C3orf20: variants seen among roughly 807,000 people sequenced by gnomAD.
C3orf20 encodes the protein family with sequence similarity 149 member C, also known as uncharacterized protein C3orf20.
In C3orf20, 76 loss-of-function variants were observed where a neutral mutation model predicts 88.3. That is an observed-to-expected ratio of 0.86 (90% confidence interval 0.72 to 1.04). The LOEUF (loss-of-function observed/expected upper bound fraction) is 1.04. C3orf20 is among the 50% of genes least tolerant of loss of function. C3orf20 has a pLI of 0.00. For synonymous variants in C3orf20, 436 were observed against 437.4 expected (o/e 1.00, Z 0.04); for missense variants, 1,056 against 1,123.3 (o/e 0.94, Z 0.86).
chr3:14,725,077 G>A (rs1173768927), intron 10 of C3orf20, among the ~76,000 whole-genome samples: 5 of 152,226 alleles, frequency 3.3e-5, no homozygotes, highest in African/African-American at 1.2e-4. Flanking sequence ...TCTTTCGAGA[G>A]TGCAAGCATG....
intron 15 of C3orf20, among the ~76,000 whole-genome samples, chr3:14,770,820 G>A (rs1019767120): frequency 5.9e-5 from 9 of 152,192 alleles, no homozygotes; most frequent in African/African-American, 1.7e-4. Flanking sequence ...TCTGGACTTC[G>A]GGGCCCTTGT....
intron 12 of C3orf20, among the ~76,000 whole-genome samples, chr3:14,739,801 TG>T (rs2034846884): frequency 6.6e-6 from 1 of 152,276 alleles, no homozygotes; most frequent in Non-Finnish European, 1.5e-5. Flanking sequence ...CTTGTACTGT[TG>T]TGTTATGGAG....
intron 12 of C3orf20, among the ~76,000 whole-genome samples, chr3:14,747,898 G>A (rs2035103422): frequency 6.6e-6 from 1 of 151,802 alleles, no homozygotes; most frequent in African/African-American, 2.4e-5. Flanking sequence ...ACTTTTGTTT[G>A]CTGGTATTTT....
chr3:14,765,110 A>G (rs2035669729), intron 15 of C3orf20: 1 of 152,210 alleles, frequency 6.6e-6, no homozygotes, highest in Admixed American at 6.5e-5. Context: ...TGTGGTTCAG[A>G]TGGTAGCTTC....
Position 14,732,055 on chromosome 3 carries a change from T to C in C3orf20, c.1940+3367T>C, listed in dbSNP as rs187231246. 1.1e-3 allele frequency among the ~76,000 whole-genome samples: 162 copies of C among 152,354 alleles called. 1 individual carries two copies. Among genetic ancestry groups the C allele is most frequent in the African/African-American group, 3.8e-3 (156 of 41,594 alleles). On this transcript the variant is annotated intron_variant, in intron 12 of 16. Transcript: ENST00000253697. ...TTTATAGTAAATGCATGTTTGACTT[T>C]GTAAGAAACTGCCAACTGTCTTCCC...
intron 4 of C3orf20, 148 bp downstream of exon 4, chr3:14,684,530 G>T: frequency 9.0e-7 from 1 of 1,112,986 alleles, no homozygotes; most frequent in African/African-American, 1.6e-5. Context: ...AATGCTACAG[G>T]TGAGTGGATG....
chr3:14,730,665 C>A (rs564741414), intron 12 of C3orf20, among the ~76,000 whole-genome samples: 72 of 152,280 alleles, frequency 4.7e-4, no homozygotes, highest in African/African-American at 1.6e-3. Context: ...TTGGCATATG[C>A]CAGGATGTGA....
chr3:14,703,966 C>G (rs1272966244), intron 6 of C3orf20, among the ~76,000 whole-genome samples: 1 of 152,048 alleles, frequency 6.6e-6, no homozygotes, highest in Non-Finnish European at 1.5e-5. Flanking sequence ...GAGAGGGCAG[C>G]CACTGTTTGC....
chr3:14,737,499 T>C (rs2034754833), intron 12 of C3orf20, among the ~76,000 whole-genome samples: 1 of 152,238 alleles, frequency 6.6e-6, no homozygotes, highest in Non-Finnish European at 1.5e-5. Flanking sequence ...CAGCATTACC[T>C]CTAAAAACAC....
intron 1 of C3orf20, among the ~76,000 whole-genome samples, chr3:14,680,864 G>C (rs938452523): frequency 6.6e-6 from 1 of 152,240 alleles, no homozygotes; most frequent in Non-Finnish European, 1.5e-5. Flanking sequence ...TGGTTGCCCA[G>C]ATGACCGGGA....
chr3:14,686,182 T>C (rs1201893901), intron 4 of C3orf20, among the ~76,000 whole-genome samples: 2 of 79,470 alleles, frequency 2.5e-5, no homozygotes, highest in South Asian at 4.0e-4. Flanking sequence ...TTTTAATAGC[T>C]GAATCATATT....
intron 1 of C3orf20, among the ~76,000 whole-genome samples, chr3:14,679,123 C>T (rs1028174197): frequency 2.0e-5 from 3 of 152,226 alleles, no homozygotes; most frequent in Non-Finnish European, 2.9e-5. Context: ...ACTTCTTACT[C>T]ATCTTTTAGA....
At position 14,721,712 on chromosome 3, in the gene C3orf20, C is replaced by T; in HGVS notation, c.1494C>T (p.Thr498=). 6.2e-7 allele frequency: 1 copy of T among 1,614,210 alleles called. No individual in the cohort carries two copies. Among genetic ancestry groups the T allele is most frequent in the Non-Finnish European group, 8.5e-7 (1 of 1,180,030 alleles). ...AGGACTCCATCACAGTCACCTTCAC[C>T]TCCCTGAATGAGACAGTAACACTCA... ...LGQDSITVTF[T]SLNETVTLTV... Residue 498 remains threonine (T), a synonymous_variant, in exon 10 of 17, where the codon ACC becomes ACT. Transcript: ENST00000253697.
intron 7 of C3orf20, among the ~76,000 whole-genome samples, chr3:14,712,741 G>C (rs1365783709): frequency 6.6e-6 from 1 of 152,100 alleles, no homozygotes; most frequent in South Asian, 2.1e-4. Context: ...AACTTTACCA[G>C]TGTTCTTTTT....
chr3:14,718,158 C>A (rs760294424), intron 9 of C3orf20, among the ~76,000 whole-genome samples: 8 of 152,066 alleles, frequency 5.3e-5, no homozygotes, highest in Non-Finnish European at 1.0e-4. Context: ...TTCTGAGACT[C>A]CAATTATGTC....
chr3:14,716,739 C>T (rs2033955156), intron 9 of C3orf20, among the ~76,000 whole-genome samples: 1 of 152,186 alleles, frequency 6.6e-6, no homozygotes, highest in Non-Finnish European at 1.5e-5. Flanking sequence ...TTGGATTAGT[C>T]ATTTGGTAAT....
rs2035410856 is a variant in C3orf20, at chr3:14,757,522, G to A, written c.2092G>A (p.Glu698Lys). Residue 698 changes from glutamate (E) to lysine (K), a missense_variant, in exon 13 of 17, where the codon GAG becomes AAG. Glu to Lys is a moderately conservative substitution (Grantham distance 56, BLOSUM62 1). Transcript: ENST00000253697. The part of the protein sequence containing the change: ...KAPLVSDVEL[E>K]RFLLAPRDPS... ...GCCCCTGGTCTCTGACGTGGAGCTGGAGCGCTTCCTGTTGGCGCCCCGAGA... is the reference window on the plus strand; with the variant it reads ...GCCCCTGGTCTCTGACGTGGAGCTGAAGCGCTTCCTGTTGGCGCCCCGAGA... The A allele has an allele frequency of 1.2e-6, 2 of 1,614,002 alleles. No individual in the cohort carries two copies. The highest frequency in any genetic ancestry group is 2.7e-5 in the African/African-American group (2 of 74,952).
At chr3:14,770,695 G>A (rs1057446115) in intron 15 of C3orf20, among the ~76,000 whole-genome samples, 1 of 152,152 alleles carries the variant, frequency 6.6e-6, no homozygotes, top group African/African-American at 2.4e-5. Flanking sequence ...CCTCAGGGCC[G>A]GACGCATAGT....
At chr3:14,728,414 T>C in intron 11 of C3orf20, 25 bp from the exon 12 acceptor site, 9 of 1,612,304 alleles carry the variant, frequency 5.6e-6, no homozygotes, top group Non-Finnish European at 7.6e-6. Flanking sequence ...GAAGGGAAAA[T>C]GACAGCAGCA....
Sources: gnomAD v4.1 joint callset for allele counts (sites outside exome capture counted in the v4.1 genomes callset) on GRCh38, gnomAD v4.1.1 for gene constraint, MANE v1.5 for transcripts, NCBI Gene and HGNC (gene_info 2026-07-23, HGNC 2026-07-21) for gene names.